Variants in DYM observed in about 807,000 individuals in gnomAD.
The protein encoded by DYM is dymeclin, also known as dyggve-Melchior-Clausen syndrome protein.
Under a neutral mutation model 93.1 loss-of-function variants are expected in DYM, and 78 were observed. The observed-to-expected ratio is 0.84, with a 90% CI of 0.70 to 1.01. The LOEUF is 1.01. DYM is among the 50% of genes least tolerant of loss of function. DYM has a pLI of 0.00. For synonymous variants in DYM, 321 were observed against 319.7 expected (o/e 1.00, Z -0.04); for missense variants, 789 against 845.0 (o/e 0.93, Z 0.82).
chr18:49,427,596 A>T (rs1364427999), intron 2 of DYM, among the ~76,000 whole-genome samples: 3 of 152,142 alleles, frequency 2.0e-5, no homozygotes, highest in Admixed American at 2.0e-4. Context: ...GTAAAAAAAA[A>T]GACTTTACGA....
chr18:49,079,756 GA>G (rs2077634574), intron 17 of DYM, among the ~76,000 whole-genome samples: 1 of 151,748 alleles, frequency 6.6e-6, no homozygotes, highest in Non-Finnish European at 1.5e-5. Context: ...CAAGGCAGAA[GA>G]ATTTATCTTA....
At chr18:49,135,485 T>A (rs1357691601) in intron 15 of DYM, among the ~76,000 whole-genome samples, 1 of 151,886 alleles carries the variant, frequency 6.6e-6, no homozygotes, top group Non-Finnish European at 1.5e-5. Flanking sequence ...TACAGAAGAG[T>A]GGAAATGAGA....
At chr18:49,258,992 A>AAG (rs2094448162) in intron 11 of DYM, among the ~76,000 whole-genome samples, 1 of 150,876 alleles carries the variant, frequency 6.6e-6, no homozygotes, top group South Asian at 2.1e-4. Flanking sequence ...AAAAAAAAAA[A>AAG]CAAACCAACA....
intron 14 of DYM, among the ~76,000 whole-genome samples, chr18:49,167,269 A>G (rs868646345): frequency 3.7e-4 from 56 of 152,258 alleles, no homozygotes; most frequent in African/African-American, 1.3e-3. Flanking sequence ...GTGAGCTTCA[A>G]TTCAAACATG....
chr18:49,119,224 A>C (rs918555960), intron 15 of DYM, among the ~76,000 whole-genome samples: 3 of 152,190 alleles, frequency 2.0e-5, no homozygotes, highest in Non-Finnish European at 2.9e-5. Context: ...CATTTAATAG[A>C]TCCATATTGG....
intron 2 of DYM, among the ~76,000 whole-genome samples, chr18:49,427,696 G>A: frequency 6.6e-6 from 1 of 152,108 alleles, no homozygotes; most frequent in Non-Finnish European, 1.5e-5. Flanking sequence ...CCATACAATG[G>A]AGTATCACTC....
chr18:49,212,980 G>C (rs984405177), intron 13 of DYM, among the ~76,000 whole-genome samples: 1 of 152,130 alleles, frequency 6.6e-6, no homozygotes, highest in African/African-American at 2.4e-5. Flanking sequence ...TCTGGAGCTA[G>C]CCCATAAAAA....
rs560679940 is a variant in DYM, at chr18:49,437,993, G to T, written c.-53-7546C>A. ...GAGGATTGCTTGAGCCCAGGAGTAC[G>T]AGGCCAGCCTGGGCAAGACCCCATC... On this transcript the variant is annotated intron_variant, in intron 1 of 17. Transcript: ENST00000675505. 4.6e-5 allele frequency among the ~76,000 whole-genome samples: 7 copies of T among 152,130 alleles called. No individual in the cohort carries two copies. In the South Asian group the frequency reaches 1.0e-3, roughly 23 times the overall value.
At position 49,038,149 on chromosome 18, in the gene DYM, T is replaced by G. The variant is rs189273290; in HGVS notation, c.*5906A>C. Reference sequence around the variant, plus strand: ...CTGTTGAAACCTTTATAGCCCAGTATTTTGGAGTGTGTGCCATTTGTGTTT... The same window carrying G: ...CTGTTGAAACCTTTATAGCCCAGTAGTTTGGAGTGTGTGCCATTTGTGTTT... On this transcript the variant is annotated 3_prime_UTR_variant, in exon 18 of 18. Coordinates refer to ENST00000675505, the MANE Select transcript of DYM (RefSeq NM_001353214.3). 8.4e-4 allele frequency among the ~76,000 whole-genome samples: 128 copies of G among 152,328 alleles called. No homozygotes were observed. The highest frequency in any genetic ancestry group is 2.7e-3 in the African/African-American group (111 of 41,580).
At position 49,354,815 on chromosome 18, in the gene DYM, T is replaced by C. The variant is rs574301139; in HGVS notation, c.494+8346A>G. On this transcript the variant is annotated intron_variant, in intron 6 of 17. Coordinates refer to ENST00000675505, the MANE Select transcript of DYM (RefSeq NM_001353214.3). ...GATGTGGAGCAATAGGAACTCTCAT[T>C]CATTACTGGTGGGAATGGCAAAACT... Among the ~76,000 whole-genome samples the C allele has an allele frequency of 2.1e-4, 32 of 152,250 alleles. 1 individual carries two copies. The South Asian group carries it at 5.8e-3, about 28-fold the overall frequency.
Position 49,289,727 on chromosome 18 carries a change from GTATATATATATATATATATATATA to G in DYM, c.764-3135_764-3112del, listed in dbSNP as rs386387632. Reference sequence around the variant, plus strand: ...CCCTATCTCAAATATATATATATGTGTATATATATATATATATATATATATATATATATATATATATATATACAC... The same window carrying G: ...CCCTATCTCAAATATATATATATGTGTATATATATATATATATATATACAC... On this transcript the variant is annotated intron_variant, in intron 8 of 17. Transcript: ENST00000675505. Among the ~76,000 whole-genome samples the G allele has an allele frequency of 4.6e-4, 39 of 85,094 alleles. 1 individual carries two copies. The highest frequency in any genetic ancestry group is 1.0e-3 in the African/African-American group (20 of 19,750). The allele number at this position is 85,094 out of a possible 152,430, so 55.8% of individuals were successfully genotyped here.
chr18:49,197,890 C>A (rs2091623480), intron 14 of DYM, among the ~76,000 whole-genome samples: 1 of 152,182 alleles, frequency 6.6e-6, no homozygotes, highest in South Asian at 2.1e-4. Context: ...CTTTAAAGTT[C>A]ATATGGAACC....
rs563316990 is a variant in DYM at position 49,310,239 on chromosome 18, T to C, written c.763+21625A>G. The stretch of plus-strand genomic sequence containing the variant: ...AAGTTTATAAATGACATTAATTACA[T>C]GGGATTCAGTCTGTTTAACCTGAGT... On this transcript the variant is annotated intron_variant, in intron 8 of 17. Coordinates refer to ENST00000675505, the MANE Select transcript of DYM (RefSeq NM_001353214.3). 7.2e-5 allele frequency among the ~76,000 whole-genome samples: 11 copies of C among 152,334 alleles called. No individual in the cohort carries two copies. In the East Asian group the frequency reaches 2.1e-3, roughly 29 times the overall value.
intron 1 of DYM, among the ~76,000 whole-genome samples, chr18:49,437,350 A>C (rs1406301557): frequency 6.6e-6 from 1 of 152,202 alleles, no homozygotes; most frequent in Non-Finnish European, 1.5e-5. Context: ...TCCATATATG[A>C]AGCACTTCAT....
chr18:49,079,552 C>G lies in DYM; in HGVS notation c.2025+17850G>C, dbSNP rs537375625. On this transcript the variant is annotated intron_variant, in intron 17 of 17. Coordinates refer to ENST00000675505, the MANE Select transcript of DYM (RefSeq NM_001353214.3). Reference sequence around the variant, plus strand: ...TTTTCCTAGGCAGAGGACCCTGCGGCCTTCCGCAGTGTTTGTGTCCCTGGG... The same window carrying G: ...TTTTCCTAGGCAGAGGACCCTGCGGGCTTCCGCAGTGTTTGTGTCCCTGGG... 6.6e-5 allele frequency among the ~76,000 whole-genome samples: 10 copies of G among 151,926 alleles called. No homozygotes were observed. In the East Asian group the frequency reaches 1.9e-3, roughly 29 times the overall value.
At chr18:49,242,781 G>T (rs1033667299) in intron 13 of DYM, among the ~76,000 whole-genome samples, 1 of 152,180 alleles carries the variant, frequency 6.6e-6, no homozygotes, top group Non-Finnish European at 1.5e-5. Context: ...CTCACTGCAA[G>T]CTCCGCCTCT....
At chr18:49,331,624 A>T (rs2063311509) in intron 8 of DYM, among the ~76,000 whole-genome samples, 1 of 152,266 alleles carries the variant, frequency 6.6e-6, no homozygotes, top group African/African-American at 2.4e-5. Context: ...TTTATGTGTA[A>T]ACATTCTTCC....
intron 6 of DYM, among the ~76,000 whole-genome samples, chr18:49,362,799 G>A (rs368946092): frequency 3.6e-3 from 548 of 152,282 alleles, no homozygotes; most frequent in Non-Finnish European, 6.3e-3. Flanking sequence ...CAGGAAGTCA[G>A]GAAGATAAGG....
At chr18:49,217,725 G>A (rs1353826584) in intron 13 of DYM, among the ~76,000 whole-genome samples, 1 of 152,114 alleles carries the variant, frequency 6.6e-6, no homozygotes, top group Non-Finnish European at 1.5e-5. Flanking sequence ...CTCACCACCA[G>A]GCCTGCCCTA....
Sources: gnomAD v4.1 joint callset for allele counts (sites outside exome capture counted in the v4.1 genomes callset) on GRCh38, gnomAD v4.1.1 for gene constraint, MANE v1.5 for transcripts, NCBI Gene and HGNC (gene_info 2026-07-23, HGNC 2026-07-21) for gene names.